KCNH8: variants seen among roughly 807,000 people sequenced by gnomAD.
KCNH8 encodes voltage-gated delayed rectifier potassium channel KCNH8.
KCNH8 carries 70 observed loss-of-function variants against 103.6 expected under a neutral mutation model. That is an observed-to-expected ratio of 0.68 (90% CI 0.56 to 0.82). KCNH8 has a LOEUF of 0.82. KCNH8 is among the 40% of genes least tolerant of loss of function. KCNH8 has a pLI of 0.00. For synonymous variants in KCNH8, 498 were observed against 489.4 expected, an observed-to-expected ratio of 1.02 and a Z score of -0.23; for missense variants, 1,217 against 1,329.9, an observed-to-expected ratio of 0.92 and a Z score of 1.32.
chr3:19,521,663 A>T (rs1480574171), intron 15 of KCNH8, among the ~76,000 whole-genome samples: 2 of 151,984 alleles, frequency 1.3e-5, no homozygotes, highest in Non-Finnish European at 2.9e-5. Context: ...TTTTCACCTA[A>T]GAGACTTTTT....
chr3:19,531,108 T>A (rs1195174186), intron 15 of KCNH8, among the ~76,000 whole-genome samples: 1 of 152,348 alleles, frequency 6.6e-6, no homozygotes, highest in African/African-American at 2.4e-5. Context: ...TAATTCTCAA[T>A]AAAAGGTCAA....
chr3:19,488,120 T>C (rs1281619647), intron 11 of KCNH8, among the ~76,000 whole-genome samples: 1 of 152,178 alleles, frequency 6.6e-6, no homozygotes, highest in Non-Finnish European at 1.5e-5. Flanking sequence ...CAAAGCTCTC[T>C]CATCTTTATC....
At chr3:19,358,631 G>A (rs1179204370) in intron 5 of KCNH8, among the ~76,000 whole-genome samples, 2 of 151,910 alleles carry the variant, frequency 1.3e-5, no homozygotes, top group Non-Finnish European at 2.9e-5. Flanking sequence ...GCTAAAACAT[G>A]TTGATAAATT....
intron 11 of KCNH8, 118 bp from the exon 12 acceptor site, chr3:19,510,245 T>C: frequency 1.4e-6 from 1 of 693,222 alleles, no homozygotes; most frequent in East Asian, 2.7e-5. Context: ...CCCCTTCCTG[T>C]GCTCCTTCCC....
intron 5 of KCNH8, among the ~76,000 whole-genome samples, chr3:19,381,320 G>T (rs1370600341): frequency 6.6e-6 from 1 of 152,126 alleles, no homozygotes. Context: ...AATAGTGCTG[G>T]ATCAATTGGA....
chr3:19,353,158 C>T (rs1042600998), intron 5 of KCNH8, among the ~76,000 whole-genome samples: 2 of 152,140 alleles, frequency 1.3e-5, no homozygotes, highest in Non-Finnish European at 2.9e-5. Context: ...TTCCTCGACA[C>T]ATACACCCTC....
In KCNH8 at chr3:19,152,802, G is replaced by A. The variant is rs200098075; in HGVS notation, c.76+4007G>A. Among the ~76,000 whole-genome samples, 20 of 152,126 alleles carry A rather than the reference G, an allele frequency of 1.3e-4. No individual in the cohort carries two copies. The East Asian group carries it at 1.6e-3, about 12-fold the overall frequency. On this transcript the variant is annotated intron_variant, in intron 1 of 15. Transcript: ENST00000328405. Reference sequence around the variant, plus strand: ...AATACAAAAATTAGCCGGGTGTGGCGGCATGCACCTGTAATCCCAGCTACT... The same window carrying A: ...AATACAAAAATTAGCCGGGTGTGGCAGCATGCACCTGTAATCCCAGCTACT...
intron 10 of KCNH8, among the ~76,000 whole-genome samples, chr3:19,454,027 C>T (rs1474697673): frequency 6.6e-6 from 1 of 151,962 alleles, no homozygotes; most frequent in Non-Finnish European, 1.5e-5. Flanking sequence ...TTATGTTTTT[C>T]TCCTCAATAG....
chr3:19,485,616 T>C (rs376271342), intron 11 of KCNH8, among the ~76,000 whole-genome samples: 10 of 152,186 alleles, frequency 6.6e-5, no homozygotes, highest in African/African-American at 2.2e-4. Context: ...CTTTTATTAC[T>C]TGCCCCCTTT....
intron 11 of KCNH8, among the ~76,000 whole-genome samples, chr3:19,483,227 T>C (rs2068127495): frequency 6.6e-6 from 1 of 151,984 alleles, no homozygotes; most frequent in Non-Finnish European, 1.5e-5. Context: ...TATAATCCAG[T>C]GGGGGCTGTC....
intron 1 of KCNH8, among the ~76,000 whole-genome samples, chr3:19,163,308 A>G (rs1007901778): frequency 2.7e-5 from 4 of 150,326 alleles, no homozygotes; most frequent in African/African-American, 9.7e-5. Flanking sequence ...AAAACAAATA[A>G]TTTTACTTTT....
At chr3:19,226,148 C>A (rs1460631403) in intron 1 of KCNH8, among the ~76,000 whole-genome samples, 3 of 152,134 alleles carry the variant, frequency 2.0e-5, no homozygotes, top group African/African-American at 7.2e-5. Flanking sequence ...AATATTAAGG[C>A]CTTTATATTG....
intron 1 of KCNH8, among the ~76,000 whole-genome samples, chr3:19,240,544 G>A (rs2064125254): frequency 6.6e-6 from 1 of 151,534 alleles, no homozygotes; most frequent in African/African-American, 2.4e-5. Flanking sequence ...CCTGGGAGGC[G>A]GAGGTTGCGG....
chr3:19,460,206 G>T (rs1300821219), intron 11 of KCNH8, among the ~76,000 whole-genome samples: 1 of 152,014 alleles, frequency 6.6e-6, no homozygotes, highest in Non-Finnish European at 1.5e-5. Flanking sequence ...TCAATCCTGA[G>T]GTCTAGCCTT....
At position 19,260,285 on chromosome 3, in the gene KCNH8, T is replaced by C. The variant is rs112970823; in HGVS notation, c.310+6398T>C. Among the ~76,000 whole-genome samples, 439 of 151,258 alleles carry C rather than the reference T, an allele frequency of 2.9e-3. 7 individuals carry two copies. Among genetic ancestry groups the C allele is most frequent in the African/African-American group, 9.8e-3 (404 of 41,370 alleles). On this transcript the variant is annotated intron_variant, in intron 2 of 15. Coordinates refer to ENST00000328405, the MANE Select transcript of KCNH8 (RefSeq NM_144633.3). ...CTATTTGGGCAACACGCTATGTTCA[T>C]GCAAGTGTACACATAAGCTGTCTGA...
At chr3:19,407,732 AC>A (rs936354621) in intron 7 of KCNH8, among the ~76,000 whole-genome samples, 1 of 151,634 alleles carries the variant, frequency 6.6e-6, no homozygotes, top group African/African-American at 2.4e-5. Flanking sequence ...GAGTCATACC[AC>A]CCCTCCATGC....
intron 5 of KCNH8, among the ~76,000 whole-genome samples, chr3:19,390,001 G>C (rs918206878): frequency 1.3e-5 from 2 of 151,842 alleles, no homozygotes; most frequent in African/African-American, 4.8e-5. Context: ...TTTCTTCCTG[G>C]GACTTGATTT....
rs549675359 is a variant in KCNH8 at position 19,499,990 on chromosome 3, C to T, written c.2041-10373C>T. Among the ~76,000 whole-genome samples the T allele has an allele frequency of 4.0e-4, 61 of 152,230 alleles. 1 individual carries two copies. The South Asian group carries it at 0.012, about 30-fold the overall frequency. ...AAATGCTCCAATTAAAAGACACAGACTGGCAAATTGGATGAAGAGTCAAGA... is the reference window on the plus strand; with the variant it reads ...AAATGCTCCAATTAAAAGACACAGATTGGCAAATTGGATGAAGAGTCAAGA... On this transcript the variant is annotated intron_variant, in intron 11 of 15. Coordinates refer to ENST00000328405, the MANE Select transcript of KCNH8 (RefSeq NM_144633.3).
At chr3:19,484,372 C>T (rs986568478) in intron 11 of KCNH8, among the ~76,000 whole-genome samples, 30 of 152,182 alleles carry the variant, frequency 2.0e-4, no homozygotes, top group African/African-American at 6.8e-4. Context: ...GATGTATACA[C>T]TAAGAGTAGT....
Sources: allele counts gnomAD v4.1 joint callset (sites outside exome capture counted in the v4.1 genomes callset), GRCh38; gene constraint gnomAD v4.1.1; transcripts MANE v1.5; gene names NCBI Gene and HGNC (gene_info 2026-07-23, HGNC 2026-07-21).